The following RCAN1 variants were observed in gnomAD, a reference collection of about 807,000 sequenced individuals.
The protein encoded by RCAN1 is calcipressin-1.
Under a neutral mutation model 22.9 loss-of-function variants are expected in RCAN1, and 11 were observed. The observed-to-expected ratio is 0.48, with a 90% CI of 0.30 to 0.79. The LOEUF is 0.79. RCAN1 is among the 30% of genes least tolerant of loss of function. The probability of loss-of-function intolerance (pLI) is 0.06; values close to 1 mark genes in which losing one functional copy is unlikely to be tolerated. For missense variants in RCAN1, 291 were observed against 337.8 expected, an observed-to-expected ratio of 0.86 and a Z score of 1.09; for synonymous variants, 136 against 142.3, an observed-to-expected ratio of 0.96 and a Z score of 0.32.
At chr21:34,593,918 A>C (rs577386281) in intron 1 of RCAN1, among the ~76,000 whole-genome samples, 2 of 152,276 alleles carry the variant, frequency 1.3e-5, no homozygotes, top group Non-Finnish European at 2.9e-5. Flanking sequence ...TGTAAGAAAA[A>C]AATCGTTAGT....
chr21:34,604,859 A>G (rs776728620), intron 1 of RCAN1, among the ~76,000 whole-genome samples: 4 of 152,198 alleles, frequency 2.6e-5, no homozygotes, highest in Non-Finnish European at 4.4e-5. Flanking sequence ...ATGGCACCCA[A>G]AAGGTATTTG....
Position 34,582,961 on chromosome 21 carries a change from CAG to C in RCAN1, c.252+31797_252+31798del, listed in dbSNP as rs149696064. ...AGGCTGATGCCATTCTAAAGAGTGT[CAG>C]AGAGAGAGAGAGAGCCTCTTGCTGG... On this transcript the variant is annotated intron_variant, in intron 1 of 3. Transcript: ENST00000313806. Among the ~76,000 whole-genome samples, 578 of 150,284 alleles carry C rather than the reference CAG, an allele frequency of 3.8e-3. 2 individuals are homozygous for C. Among genetic ancestry groups the C allele is most frequent in the Non-Finnish European group, 5.1e-3 (343 of 67,330 alleles).
intron 1 of RCAN1, among the ~76,000 whole-genome samples, chr21:34,561,142 C>CATGATTGTA (rs1986776869): frequency 6.6e-6 from 1 of 152,174 alleles, no homozygotes; most frequent in Non-Finnish European, 1.5e-5. Flanking sequence ...TGCCTTCCTC[C>CATGATTGTA]ATGATTGTAA....
chr21:34,537,256 G>A (rs1461322569), intron 1 of RCAN1, among the ~76,000 whole-genome samples: 6 of 149,814 alleles, frequency 4.0e-5, no homozygotes, highest in South Asian at 2.1e-4. Flanking sequence ...AGGTGTTCCC[G>A]TCAAGTGACT....
intron 1 of RCAN1, among the ~76,000 whole-genome samples, chr21:34,609,317 T>C (rs1349373512): frequency 6.6e-6 from 1 of 152,210 alleles, no homozygotes; most frequent in African/African-American, 2.4e-5. Flanking sequence ...CTCTCACAAC[T>C]GAACTGTATG....
chr21:34,521,119 G>A (rs1984484248), intron 3 of RCAN1: 1 of 1,264,780 alleles, frequency 7.9e-7, no homozygotes, highest in African/African-American at 1.5e-5. Context: ...ATTTCTTAAA[G>A]GGGGCATCGA....
chr21:34,531,875 G>A (rs78279244), intron 1 of RCAN1, among the ~76,000 whole-genome samples: 9,251 of 151,798 alleles, frequency 0.061, 384 homozygotes, highest in Middle Eastern at 0.12. Context: ...CAGGCATGTC[G>A]TTCTCCAGGA....
chr21:34,537,451 T>C (rs1436025136), intron 1 of RCAN1, among the ~76,000 whole-genome samples: 1 of 152,192 alleles, frequency 6.6e-6, no homozygotes, highest in East Asian at 1.9e-4. Context: ...TTCTGACTTC[T>C]TTTTGGTGGT....
chr21:34,561,505 T>C (rs1986789129), intron 1 of RCAN1, among the ~76,000 whole-genome samples: 1 of 152,236 alleles, frequency 6.6e-6, no homozygotes, highest in Non-Finnish European at 1.5e-5. Flanking sequence ...ATTATTCTAA[T>C]GCTCTCTACC....
chr21:34,579,606 T>C (rs1323302369), intron 1 of RCAN1, among the ~76,000 whole-genome samples: 2 of 152,226 alleles, frequency 1.3e-5, no homozygotes, highest in Non-Finnish European at 2.9e-5. Context: ...CAAATGTTCA[T>C]GACCAATTCA....
chr21:34,519,853 G>A (rs1309097653), intron 3 of RCAN1, among the ~76,000 whole-genome samples: 1 of 152,178 alleles, frequency 6.6e-6, no homozygotes, highest in Non-Finnish European at 1.5e-5. Flanking sequence ...TGATAAGGAA[G>A]GTGGTGATCT....
intron 1 of RCAN1, among the ~76,000 whole-genome samples, chr21:34,524,865 C>T (rs533226529): frequency 1.3e-5 from 2 of 151,906 alleles, no homozygotes; most frequent in South Asian, 4.2e-4. Flanking sequence ...CAGCTGGGGG[C>T]CACTGCAACT....
intron 1 of RCAN1, among the ~76,000 whole-genome samples, chr21:34,567,761 G>A (rs1037165752): frequency 9.9e-5 from 15 of 152,138 alleles, no homozygotes; most frequent in African/African-American, 3.1e-4. Flanking sequence ...CAGCACGGGC[G>A]CCACTGGAAT....
chr21:34,523,403 G>C, intron 2 of RCAN1, 134 bp downstream of exon 2: 1 of 796,654 alleles, frequency 1.3e-6, no homozygotes, highest in South Asian at 2.0e-5. Flanking sequence ...AACATTCAGA[G>C]TAGGAATTTT....
intron 1 of RCAN1, among the ~76,000 whole-genome samples, chr21:34,550,480 A>T (rs1432686008): frequency 6.6e-6 from 1 of 152,202 alleles, no homozygotes; most frequent in East Asian, 1.9e-4. Context: ...GGGTGTCATT[A>T]TAAGAAGAGG....
chr21:34,589,646 AAT>A (rs1601204314), intron 1 of RCAN1, among the ~76,000 whole-genome samples: 1 of 152,142 alleles, frequency 6.6e-6, no homozygotes, highest in East Asian at 1.9e-4. Flanking sequence ...TGCCCTTCCC[AAT>A]GTGGGTGGGC....
chr21:34,533,381 G>A (rs1376753123), intron 1 of RCAN1, among the ~76,000 whole-genome samples: 11 of 151,730 alleles, frequency 7.2e-5, no homozygotes, highest in Admixed American at 6.6e-4. Context: ...ATTATTTTGG[G>A]GTTTTTTTAA....
chr21:34,571,608 G>A (rs927923753), intron 1 of RCAN1, among the ~76,000 whole-genome samples: 4 of 152,174 alleles, frequency 2.6e-5, no homozygotes, highest in South Asian at 2.1e-4. Flanking sequence ...CCCAGCTGGG[G>A]TGCAGTGGTA....
intron 1 of RCAN1, among the ~76,000 whole-genome samples, chr21:34,570,377 C>G (rs1404437461): frequency 6.6e-6 from 1 of 152,214 alleles, no homozygotes; most frequent in Non-Finnish European, 1.5e-5. Context: ...CTGCATATAG[C>G]TTTCGTTACT....
Sources: allele counts gnomAD v4.1 joint callset (sites outside exome capture counted in the v4.1 genomes callset), GRCh38; gene constraint gnomAD v4.1.1; transcripts MANE v1.5; gene names NCBI Gene and HGNC (gene_info 2026-07-23, HGNC 2026-07-21).